CTH: variants seen among roughly 807,000 people sequenced by gnomAD.
The protein encoded by CTH is cystathionine gamma-lyase, also known as cystathionase (cystathionine gamma-lyase).
CTH carries 41 observed loss-of-function variants against 50.6 expected under a neutral mutation model. The observed-to-expected ratio is 0.81, with a 90% CI of 0.63 to 1.05. The LOEUF is 1.05. CTH is among the 50% of genes least tolerant of loss of function. The probability of loss-of-function intolerance (pLI) is 0.00; values close to 1 mark genes in which losing one functional copy is unlikely to be tolerated. For synonymous variants in CTH, 156 were observed against 168.9 expected (o/e 0.92, Z 0.59); for missense variants, 470 against 492.6 (o/e 0.95, Z 0.43).
chr1:70,423,299 C>A (rs966576428), intron 4 of CTH, among the ~76,000 whole-genome samples: 3 of 151,558 alleles, frequency 2.0e-5, no homozygotes, highest in African/African-American at 7.3e-5. Context: ...CAGCTGGGCA[C>A]AGTGGCTCAT....
chr1:70,417,819 G>A, intron 2 of CTH, 118 bp from the exon 3 acceptor site: 1 of 1,011,124 alleles, frequency 9.9e-7, no homozygotes, highest in Non-Finnish European at 1.5e-6. Context: ...GGGGCCTCTA[G>A]CAACTCAGCA....
intron 6 of CTH, 135 bp downstream of exon 6, chr1:70,429,986 T>G: frequency 2.9e-6 from 2 of 687,074 alleles, no homozygotes; most frequent in Non-Finnish European, 5.1e-6. Context: ...AAAAAAATCC[T>G]TTGATTAAAT....
intron 3 of CTH, among the ~76,000 whole-genome samples, chr1:70,418,448 T>C (rs1375756629): frequency 6.6e-6 from 1 of 152,002 alleles, no homozygotes; most frequent in Non-Finnish European, 1.5e-5. Flanking sequence ...CGGGGTTTCG[T>C]TGTGTTGGTC....
At chr1:70,418,536 C>T (rs1007676830) in intron 3 of CTH, among the ~76,000 whole-genome samples, 5 of 152,188 alleles carry the variant, frequency 3.3e-5, no homozygotes, top group Non-Finnish European at 5.9e-5. Context: ...GGGCGCGAGC[C>T]GCCTCACCTG....
intron 2 of CTH, among the ~76,000 whole-genome samples, chr1:70,416,890 G>T (rs1212510130): frequency 1.3e-5 from 2 of 151,300 alleles, no homozygotes; most frequent in African/African-American, 4.9e-5. Flanking sequence ...TAGAGATGGG[G>T]CTATTTTGGC....
chr1:70,421,240 T>C (rs1322963166), intron 3 of CTH, among the ~76,000 whole-genome samples: 1 of 152,216 alleles, frequency 6.6e-6, no homozygotes, highest in African/African-American at 2.4e-5. Context: ...AGTTGAGAAC[T>C]AGGTAGAAAT....
rs139103726 is a variant in CTH, at chr1:70,418,120, G to A, written c.346+88G>A. The A allele has an allele frequency of 2.7e-4, 391 of 1,464,566 alleles. 6 individuals carry two copies. In the African/African-American group the frequency reaches 2.8e-3, roughly 10 times the overall value. 90.7% of individuals were successfully genotyped at this position (1,464,566 alleles called of 1,614,324 possible). Reference sequence around the variant, plus strand: ...TGAATTAATATTAACAATGTTGCCAGTATTTTTGATTATTTATTATAGTTT... The same window carrying A: ...TGAATTAATATTAACAATGTTGCCAATATTTTTGATTATTTATTATAGTTT... On this transcript the variant is annotated intron_variant, in intron 3 of 11. Coordinates refer to ENST00000370938, the MANE Select transcript of CTH (RefSeq NM_001902.6).
rs775724359 is a variant in CTH at position 70,411,494 on chromosome 1, C to A, written c.79C>A (p.Gln27Lys). Residue 27 changes from glutamine to lysine, a missense_variant, in exon 1 of 12, where the codon CAG (glutamine) becomes AAG (lysine). By Grantham distance (53) the Gln-to-Lys change is moderately conservative. Coordinates refer to ENST00000370938, the MANE Select transcript of CTH (RefSeq NM_001902.6). ...HFATQAIHVGQDPEQWTSRAV... is the reference protein window; with the variant it reads ...HFATQAIHVGKDPEQWTSRAV... The stretch of plus-strand genomic sequence containing the variant: ...CGCCACGCAGGCGATCCATGTGGGC[C>A]AGGATCCAGAGCAATGGACCTCCAG... 9 of 1,614,066 alleles carry A rather than the reference C, an allele frequency of 5.6e-6. No individual in the cohort carries two copies. In the African/African-American group the frequency reaches 1.1e-4, roughly 19 times the overall value.
chr1:70,438,997 G>A (rs1684661640), intron 11 of CTH, 104 bp from the exon 12 acceptor site: 11 of 1,531,890 alleles, frequency 7.2e-6, no homozygotes, highest in Non-Finnish European at 9.0e-6. Context: ...CAGTCAAAGT[G>A]CATATTTAAA....
rs1684669832 is a variant in CTH, at chr1:70,439,356, CTA to C, written c.*231_*232del. 1.8e-6 allele frequency: 1 copy of C among 542,846 alleles called. No homozygotes were observed. 33.6% of individuals were successfully genotyped at this position (542,846 alleles called of 1,614,324 possible). ...TTAATATCTTTTTGTTAATTTTGCT[CTA>C]TGTTTGCCTCTGAAGGAGGTGAGAT... On this transcript the variant is annotated 3_prime_UTR_variant, in exon 12 of 12. Coordinates refer to ENST00000370938, the MANE Select transcript of CTH (RefSeq NM_001902.6).
intron 3 of CTH, among the ~76,000 whole-genome samples, chr1:70,420,283 G>A (rs192267918): frequency 8.5e-5 from 13 of 152,186 alleles, no homozygotes; most frequent in East Asian, 5.8e-4. Context: ...TGAGTCACTC[G>A]TGCCCGGCCT....
intron 1 of CTH, among the ~76,000 whole-genome samples, chr1:70,415,713 GAAGTAACTT>G (rs1466833876): frequency 1.3e-5 from 2 of 152,166 alleles, no homozygotes; most frequent in Admixed American, 6.5e-5. Context: ...TTGGAAATGT[GAAGTAACTT>G]ACCTAGTGTC....
chr1:70,420,289 G>A (rs781615291), intron 3 of CTH, among the ~76,000 whole-genome samples: 28 of 152,122 alleles, frequency 1.8e-4, no homozygotes, highest in Admixed American at 3.9e-4. Flanking sequence ...ACTCGTGCCC[G>A]GCCTCAGGGA....
Position 70,430,323 on chromosome 1 carries a change from G to A in CTH, c.653G>A (p.Ser218Asn), listed in dbSNP as rs1400301217. ...GTTTGTTTTTTGTTTTTAGGCCACA[G>A]TGATGTTGTAATGGGCCTGGTGTCT... ...YSATKYMNGH[S>N]DVVMGLVSVN... is the part of the protein sequence containing the mutation. Residue 218 changes from serine (S) to asparagine (N), a missense_variant, in exon 7 of 12, where the codon AGT becomes AAT. Ser to Asn is a conservative substitution (Grantham distance 46). Transcript: ENST00000370938. The A allele has an allele frequency of 6.3e-7, 1 of 1,583,132 alleles. No individual in the cohort carries two copies.
In CTH at chr1:70,438,839, A is replaced by AG. The variant is rs1553128274; in HGVS notation, c.1191+13_1191+14insG. ...TTTGAAGGCAGCAGTAAGTCTTATT[A>AG]TTGTGTGTGTGTGTGTGTGTGTGTG... On this transcript the variant is annotated intron_variant, in intron 11 of 11. Coordinates refer to ENST00000370938, the MANE Select transcript of CTH (RefSeq NM_001902.6). 6 of 1,316,772 alleles carry AG rather than the reference A, an allele frequency of 4.6e-6. No individual in the cohort carries two copies. Among genetic ancestry groups the AG allele is most frequent in the Admixed American group, 4.5e-5 (2 of 44,298 alleles). The allele number at this position is 1,316,772 out of a possible 1,614,324, so 81.6% of individuals were successfully genotyped here.
At position 70,413,375 on chromosome 1, in the gene CTH, G is replaced by A. The variant is rs983118518; in HGVS notation, c.168+1792G>A. Among the ~76,000 whole-genome samples, 2 of 149,914 alleles carry A rather than the reference G, an allele frequency of 1.3e-5. 1 individual carries two copies. The highest frequency in any genetic ancestry group is 4.2e-4 in the South Asian group (2 of 4,710). ...GCCTCCCGGGTTCAAGCGATTCTCC[G>A]GCCTCAGCCTCCTAAGTAGCTGGGA... is the stretch of plus-strand genomic sequence containing the variant. On this transcript the variant is annotated intron_variant, in intron 1 of 11. Coordinates refer to ENST00000370938, the MANE Select transcript of CTH (RefSeq NM_001902.6).
intron 5 of CTH, among the ~76,000 whole-genome samples, chr1:70,427,795 C>A (rs1423261491): frequency 6.6e-6 from 1 of 152,198 alleles, no homozygotes; most frequent in African/African-American, 2.4e-5. Flanking sequence ...TCACTGCAAC[C>A]ACCGCCTCCC....
rs115169016 is a variant in CTH at position 70,419,859 on chromosome 1, C to A, written c.347-1707C>A. Among the ~76,000 whole-genome samples, 574 of 152,206 alleles carry A rather than the reference C, an allele frequency of 3.8e-3. 5 individuals carry two copies. The highest frequency in any genetic ancestry group is 0.013 in the African/African-American group (554 of 41,524). On this transcript the variant is annotated intron_variant, in intron 3 of 11. Transcript: ENST00000370938. The stretch of plus-strand genomic sequence containing the variant: ...TGTGAATATACATATACATATATTC[C>A]AGATGCTTCCAAATAATTAAAATGT...
chr1:70,422,979 A>G (rs1356706246), intron 4 of CTH, among the ~76,000 whole-genome samples: 1 of 152,162 alleles, frequency 6.6e-6, no homozygotes, highest in Non-Finnish European at 1.5e-5. Flanking sequence ...AGAATTTTAT[A>G]TAGTGACTCT....
Sources: allele counts gnomAD v4.1 joint callset (sites outside exome capture counted in the v4.1 genomes callset), GRCh38; gene constraint gnomAD v4.1.1; transcripts MANE v1.5; gene names NCBI Gene and HGNC (gene_info 2026-07-23, HGNC 2026-07-21).